Variants in ARHGEF18 observed in about 807,000 individuals in gnomAD.
ARHGEF18 encodes the protein Rho/Rac guanine nucleotide exchange factor 18.
A neutral mutation model predicts 155.7 loss-of-function variants in ARHGEF18; 93 were observed. The ratio of observed to expected loss-of-function variants is 0.60; its 90% confidence interval spans 0.50 to 0.71. The LOEUF (loss-of-function observed/expected upper bound fraction) is 0.71, where lower values mean the gene tolerates loss of function less well. ARHGEF18 is among the 30% of genes least tolerant of loss of function. The pLI, the probability that ARHGEF18 is intolerant of heterozygous loss-of-function variation, is 0.00. For synonymous variants in ARHGEF18, 742 were observed against 753.1 expected (o/e 0.99, Z 0.24); for missense variants, 1,593 against 1,816.1 (o/e 0.88, Z 2.23).
At chr19:7,446,915 G>GA (rs898105424) in intron 14 of ARHGEF18, 128 bp from the exon 15 acceptor site, 20 of 950,036 alleles carry the variant, frequency 2.1e-5, no homozygotes, top group Admixed American at 3.4e-5. Context: ...AAAAAAAGAA[G>GA]AAGAAAGAAA....
In ARHGEF18 at chr19:7,462,118, C is replaced by G. The variant is rs749840957; in HGVS notation, c.2453-34C>G. The G allele has an allele frequency of 6.8e-6, 11 of 1,613,210 alleles. No individual in the cohort carries two copies. Among genetic ancestry groups the G allele is most frequent in the South Asian group, 6.6e-5 (6 of 91,058 alleles). ...TCAGATGATTCCAGGGAAGGCCGACCCGGCTGACTGCCACCTCCACCATCA... is the reference window on the plus strand; with the variant it reads ...TCAGATGATTCCAGGGAAGGCCGACGCGGCTGACTGCCACCTCCACCATCA... On this transcript the variant is annotated intron_variant, in intron 20 of 28. Transcript: ENST00000668164. The surrounding 1 kb of genome is among the most constrained non-coding windows in gnomAD (Gnocchi z 4.4).
intron 10 of ARHGEF18, among the ~76,000 whole-genome samples, chr19:7,405,992 A>G (rs962329668): frequency 1.3e-5 from 2 of 152,168 alleles, no homozygotes; most frequent in Non-Finnish European, 2.9e-5. Flanking sequence ...AGTATTTTGA[A>G]GTTGAAGTAA....
intron 10 of ARHGEF18, among the ~76,000 whole-genome samples, chr19:7,413,098 C>A (rs1255284156): frequency 6.6e-6 from 1 of 151,918 alleles, no homozygotes; most frequent in African/African-American, 2.4e-5. Flanking sequence ...CGTCCCACAC[C>A]ATATTTTTGG....
intron 18 of ARHGEF18, 108 bp downstream of exon 18, chr19:7,456,511 G>C (rs1975839758): frequency 2.0e-6 from 2 of 1,009,400 alleles, no homozygotes; most frequent in Non-Finnish European, 3.1e-6. Flanking sequence ...GAGGTCAAGA[G>C]TTGAAGTCCA....
At position 7,470,367 on chromosome 19, in the gene ARHGEF18, C is replaced by A; in HGVS notation, c.*69C>A. On this transcript the variant is annotated 3_prime_UTR_variant, in exon 29 of 29. Coordinates refer to ENST00000668164, the MANE Select transcript of ARHGEF18 (RefSeq NM_001367823.1). The surrounding 1 kb of genome is among the most constrained non-coding windows in gnomAD (Gnocchi z 5.9). ...ACCCTTCCTGCTCTCTGGGGACCCC[C>A]ATGGGGTCACCATGCCCACCCAGCT... The A allele has an allele frequency of 7.6e-7, 1 of 1,319,330 alleles. No homozygotes were observed. Among genetic ancestry groups the A allele is most frequent in the South Asian group, 2.1e-5 (1 of 48,416 alleles). 81.7% of individuals were successfully genotyped at this position (1,319,330 alleles called of 1,614,324 possible). A position where few individuals can be genotyped will look rare whatever the true frequency, so the allele number is the denominator to read the frequency against.
intron 10 of ARHGEF18, among the ~76,000 whole-genome samples, chr19:7,415,949 T>TG: frequency 6.6e-6 from 1 of 152,268 alleles, no homozygotes; most frequent in South Asian, 2.1e-4. Context: ...GGAGAAAACT[T>TG]GGAGTTCCCA....
At chr19:7,383,763 CTA>C (rs1970858077) in intron 10 of ARHGEF18, among the ~76,000 whole-genome samples, 1 of 141,190 alleles carries the variant, frequency 7.1e-6, no homozygotes, top group Non-Finnish European at 1.5e-5. Context: ...CATGAAGACT[CTA>C]TTTTCAAATA....
In ARHGEF18 at chr19:7,364,402, A is replaced by AAGGAAGGAAGGAAGGCAGGCAGGC. The variant is rs36151895; in HGVS notation, c.15+1500_15+1501insAAGGAAGGAAGGCAGGCAGGCAGG. ...GAAGGAAGGAAGGAAGGAAGGAAGG[A>AAGGAAGGAAGGAAGGCAGGCAGGC]AGGCAGGCTGACTAAAACCAAATAC... On this transcript the variant is annotated intron_variant, in intron 2 of 28. Coordinates refer to ENST00000668164, the MANE Select transcript of ARHGEF18 (RefSeq NM_001367823.1). 4.7e-4 allele frequency among the ~76,000 whole-genome samples: 61 copies of AAGGAAGGAAGGAAGGCAGGCAGGC among 129,758 alleles called. No individual in the cohort carries two copies. In the East Asian group the frequency reaches 0.011, roughly 24 times the overall value. The allele number at this position is 129,758 out of a possible 152,430, so 85.1% of individuals were successfully genotyped here.
chr19:7,377,542 G>C (rs1453891014), intron 5 of ARHGEF18, among the ~76,000 whole-genome samples: 2 of 152,074 alleles, frequency 1.3e-5, no homozygotes, highest in Non-Finnish European at 2.9e-5. Context: ...CCAGCACCTT[G>C]GGAGGCTGAG....
Position 7,453,629 on chromosome 19 carries a change from T to C in ARHGEF18, c.2018T>C (p.Leu673Pro). 1 of 1,612,488 alleles carries C rather than the reference T, an allele frequency of 6.2e-7. No individual in the cohort carries two copies. The change falls in exon 17 of 29, where the codon CTC (leucine) becomes CCC (proline). Residue 673 changes from leucine to proline, a missense_variant. Leu to Pro is a moderately conservative substitution (Grantham distance 98). Transcript: ENST00000668164. The stretch of plus-strand genomic sequence containing the variant: ...TCTTCCAGCAAACTCAAGAACGGGC[T>C]CACCTTCCGCAAGGAAGACATGCTT... ...LKSSSKLKNGLTFRKEDMLQR... is the reference protein window; with the variant it reads ...LKSSSKLKNGPTFRKEDMLQR...
intron 1 of ARHGEF18, among the ~76,000 whole-genome samples, chr19:7,350,767 GGTGTGTGTGTGTGTGT>G (rs71177199): frequency 1.6e-3 from 31 of 19,460 alleles, no homozygotes; most frequent in Admixed American, 7.7e-3. Flanking sequence ...TTTTGGGGTG[GGTGTGTGTGTGTGTGT>G]GTGTGTGTGT....
chr19:7,386,668 T>G (rs1240716100), intron 10 of ARHGEF18, among the ~76,000 whole-genome samples: 1 of 151,960 alleles, frequency 6.6e-6, no homozygotes, highest in Non-Finnish European at 1.5e-5. Flanking sequence ...GTGCTTGAAG[T>G]GGAGGTAGAA....
At chr19:7,384,691 A>C (rs987894375) in intron 10 of ARHGEF18, among the ~76,000 whole-genome samples, 6 of 118,922 alleles carry the variant, frequency 5.0e-5, no homozygotes, top group African/African-American at 2.8e-4. Context: ...CTTTTTGCAA[A>C]ATTTTTTTTT....
At chr19:7,375,271 C>CA (rs556006446) in intron 3 of ARHGEF18, among the ~76,000 whole-genome samples, 5,463 of 40,378 alleles carry the variant, frequency 0.14, 432 homozygotes, top group African/African-American at 0.37. Flanking sequence ...GACTCTGTCT[C>CA]AAAAAAAAAA....
chr19:7,401,863 G>A (rs1420217483), intron 10 of ARHGEF18, among the ~76,000 whole-genome samples: 1 of 152,146 alleles, frequency 6.6e-6, no homozygotes, highest in Non-Finnish European at 1.5e-5. Flanking sequence ...TACATAAAAT[G>A]TGGTCCCGCC....
intron 18 of ARHGEF18, 110 bp downstream of exon 18, chr19:7,456,513 T>G (rs1319738140): frequency 4.0e-6 from 4 of 991,700 alleles, no homozygotes; most frequent in Non-Finnish European, 6.4e-6. Context: ...GGTCAAGAGT[T>G]GAAGTCCAGC....
Position 7,470,678 on chromosome 19 carries a change from GAGGAC to G in ARHGEF18, c.*388_*392del, listed in dbSNP as rs1976973286. The G allele has an allele frequency of 2.5e-6, 1 of 398,944 alleles. No homozygotes were observed. Among genetic ancestry groups the G allele is most frequent in the African/African-American group, 2.1e-5 (1 of 48,640 alleles). 24.7% of individuals were successfully genotyped at this position (398,944 alleles called of 1,614,324 possible). On this transcript the variant is annotated 3_prime_UTR_variant, in exon 29 of 29. Coordinates refer to ENST00000668164, the MANE Select transcript of ARHGEF18 (RefSeq NM_001367823.1). The surrounding 1 kb of genome is among the most constrained non-coding windows in gnomAD (Gnocchi z 5.9). ...AACGGTGCCGGCTCTGCACGGAGCT[GAGGAC>G]AGGACAGACCTTGCTTTGAGAAGGA... is the stretch of plus-strand genomic sequence containing the variant.
intron 10 of ARHGEF18, among the ~76,000 whole-genome samples, chr19:7,414,645 C>T (rs1372379217): frequency 1.3e-5 from 2 of 152,008 alleles, no homozygotes; most frequent in Non-Finnish European, 2.9e-5. Context: ...CCCGTCTCTA[C>T]TAAAAATACA....
chr19:7,434,156 T>A (rs1035094793), intron 10 of ARHGEF18, among the ~76,000 whole-genome samples: 1 of 151,872 alleles, frequency 6.6e-6, no homozygotes, highest in Non-Finnish European at 1.5e-5. Flanking sequence ...TAGTGTTTTT[T>A]AAAAAAACAA....
Sources: gnomAD v4.1 joint callset for allele counts (sites outside exome capture counted in the v4.1 genomes callset) on GRCh38, gnomAD v4.1.1 for gene constraint, Gnocchi (gnomAD v3.1) non-coding constraint, MANE v1.5 for transcripts, NCBI Gene and HGNC (gene_info 2026-07-23, HGNC 2026-07-21) for gene names.